HSD17B12: variants seen among roughly 807,000 people sequenced by gnomAD.
HSD17B12 encodes hydroxysteroid 17-beta dehydrogenase 12.
A neutral mutation model predicts 39.3 loss-of-function variants in HSD17B12; 32 were observed. The observed-to-expected ratio is 0.81, with a 90% CI of 0.61 to 1.09. The LOEUF (loss-of-function observed/expected upper bound fraction) is 1.09. HSD17B12 is among the 50% of genes least tolerant of loss of function. The pLI is 0.00. For synonymous variants in HSD17B12, 150 were observed against 146.7 expected (o/e 1.02, Z -0.16); for missense variants, 342 against 382.9 (o/e 0.89, Z 0.89).
intron 3 of HSD17B12, among the ~76,000 whole-genome samples, chr11:43,792,986 T>C (rs1035051586): frequency 2.0e-5 from 3 of 152,136 alleles, no homozygotes; most frequent in Non-Finnish European, 2.9e-5. Flanking sequence ...TTAACAAACA[T>C]TGAGCAGAAT....
the HSD17B12 span, among the ~76,000 whole-genome samples, chr11:43,628,086 T>C: frequency 1.3e-5 from 2 of 151,858 alleles, no homozygotes; most frequent in Non-Finnish European, 2.9e-5. Context: ...TTGTTTTTAA[T>C]AGTGATACCC....
chr11:43,578,111 C>T, the HSD17B12 span, among the ~76,000 whole-genome samples: 2 of 152,238 alleles, frequency 1.3e-5, no homozygotes, highest in African/African-American at 4.8e-5. Flanking sequence ...CAAGCTGGCC[C>T]GTGAGGATGG....
At chr11:43,563,268 T>A in the HSD17B12 span, among the ~76,000 whole-genome samples, 3 of 152,198 alleles carry the variant, frequency 2.0e-5, no homozygotes, top group Non-Finnish European at 4.4e-5. Context: ...ATTGTAGCAC[T>A]CGTAGTCCAG....
At chr11:43,734,147 C>T (rs560965053) in intron 1 of HSD17B12, 28 of 1,547,670 alleles carry the variant, frequency 1.8e-5, no homozygotes, top group African/African-American at 1.8e-4. Context: ...AGTGGTGGCA[C>T]GCTTTGATGC....
At chr11:43,574,984 T>G in the HSD17B12 span, among the ~76,000 whole-genome samples, 1 of 152,206 alleles carries the variant, frequency 6.6e-6, no homozygotes, top group Non-Finnish European at 1.5e-5. Context: ...AAAGCCGCAG[T>G]AGCAAGCCGG....
the HSD17B12 span, among the ~76,000 whole-genome samples, chr11:43,648,621 C>T: frequency 6.6e-6 from 1 of 152,148 alleles, no homozygotes; most frequent in Non-Finnish European, 1.5e-5. Context: ...TCGAATAAAG[C>T]AGTTCTATAT....
chr11:43,661,656 AG>A, the HSD17B12 span, among the ~76,000 whole-genome samples: 2 of 152,154 alleles, frequency 1.3e-5, no homozygotes, highest in Non-Finnish European at 2.9e-5. Context: ...TCCACAAAAA[AG>A]GAGGAAAAAG....
chr11:43,634,971 A>C, the HSD17B12 span, among the ~76,000 whole-genome samples: 1 of 152,222 alleles, frequency 6.6e-6, no homozygotes, highest in Non-Finnish European at 1.5e-5. Flanking sequence ...TGGTGTGATA[A>C]TGCCTTTGTG....
chr11:43,767,215 A>C (rs74626803), intron 3 of HSD17B12, among the ~76,000 whole-genome samples: 7,454 of 144,944 alleles, frequency 0.051, 209 homozygotes, highest in African/African-American at 0.059. Context: ...AAAAAAAAAA[A>C]ACACTTTTTT....
chr11:43,808,480 C>A (rs955220077), intron 4 of HSD17B12, among the ~76,000 whole-genome samples: 2 of 152,044 alleles, frequency 1.3e-5, no homozygotes, highest in African/African-American at 4.8e-5. Flanking sequence ...AAAGCAGAAC[C>A]TTTTACTTAA....
At chr11:43,728,299 C>T (rs1950239441) in intron 1 of HSD17B12, among the ~76,000 whole-genome samples, 1 of 152,078 alleles carries the variant, frequency 6.6e-6, no homozygotes, top group South Asian at 2.1e-4. Flanking sequence ...CTCCTGACCT[C>T]AGGTGATCTG....
chr11:43,815,967 G>A (rs1951118700), intron 5 of HSD17B12, among the ~76,000 whole-genome samples: 1 of 152,134 alleles, frequency 6.6e-6, no homozygotes, highest in Non-Finnish European at 1.5e-5. Flanking sequence ...AACGAGAAAA[G>A]CATATCATTG....
At chr11:43,796,180 C>A (rs4755744) in intron 3 of HSD17B12, among the ~76,000 whole-genome samples, 99,602 of 151,928 alleles carry the variant, frequency 0.66, 32,983 homozygotes, top group East Asian at 0.75. Context: ...GCTGTTGCCA[C>A]AGCCTTTTGG....
intron 1 of HSD17B12, among the ~76,000 whole-genome samples, chr11:43,691,182 G>T (rs1392926482): frequency 1.3e-5 from 2 of 152,176 alleles, no homozygotes; most frequent in Non-Finnish European, 2.9e-5. Flanking sequence ...GATGCCTCAG[G>T]CAGGTCAAGT....
At chr11:43,838,875 T>C (rs1450573233) in intron 8 of HSD17B12, among the ~76,000 whole-genome samples, 2 of 152,136 alleles carry the variant, frequency 1.3e-5, no homozygotes, top group African/African-American at 4.8e-5. Context: ...TATTTTGCCA[T>C]GTTGTCCAGG....
intron 1 of HSD17B12, among the ~76,000 whole-genome samples, chr11:43,747,100 G>A (rs1392739832): frequency 1.3e-5 from 2 of 152,202 alleles, no homozygotes; most frequent in Non-Finnish European, 2.9e-5. Flanking sequence ...CAGGAAAACT[G>A]TCCAAGTCTT....
At chr11:43,824,726 C>T (rs956355404) in intron 6 of HSD17B12, among the ~76,000 whole-genome samples, 3 of 152,152 alleles carry the variant, frequency 2.0e-5, no homozygotes, top group Middle Eastern at 3.2e-3. Flanking sequence ...TTGGGCGCAG[C>T]GGCTCACGCC....
the HSD17B12 span, chr11:43,670,403 C>T: frequency 1.3e-5 from 2 of 152,038 alleles, no homozygotes; most frequent in Admixed American, 1.3e-4. Context: ...TTGATATAAG[C>T]ATATATATTT....
At chr11:43,787,413 A>C (rs1482410371) in intron 3 of HSD17B12, among the ~76,000 whole-genome samples, 1 of 152,160 alleles carries the variant, frequency 6.6e-6, no homozygotes, top group Non-Finnish European at 1.5e-5. Context: ...ATATTGTTGA[A>C]CTATCTTGAT....
Sources: gnomAD v4.1 joint callset for allele counts (sites outside exome capture counted in the v4.1 genomes callset) on GRCh38, gnomAD v4.1.1 for gene constraint, MANE v1.5 for transcripts, NCBI Gene and HGNC (gene_info 2026-07-23, HGNC 2026-07-21) for gene names.